ZNF76: variants seen among roughly 807,000 people sequenced by gnomAD.
ZNF76 encodes the protein zinc finger protein 523.
In ZNF76, 66 loss-of-function variants were observed where a neutral mutation model predicts 66.9. The ratio of observed to expected loss-of-function variants is 0.99; its 90% CI spans 0.81 to 1.21. The LOEUF (loss-of-function observed/expected upper bound fraction) is 1.21. Among genes scored for constraint, ZNF76 ranks in the 50% most tolerant of loss-of-function variants. The pLI, the probability that ZNF76 is intolerant of heterozygous loss-of-function variation, is 0.00. For synonymous variants in ZNF76, 275 were observed against 296.1 expected, an observed-to-expected ratio of 0.93 and a Z score of 0.73; for missense variants, 729 against 760.3, an observed-to-expected ratio of 0.96 and a Z score of 0.48.
intron 5 of ZNF76, among the ~76,000 whole-genome samples, chr6:35,289,000 C>A (rs912967499): frequency 1.3e-5 from 2 of 149,688 alleles, no homozygotes; most frequent in African/African-American, 4.9e-5. Flanking sequence ...AGGCTACATT[C>A]ACTCCCACCC....
Position 35,292,636 on chromosome 6 carries a change from G to A in ZNF76, c.1014G>A (p.Val338=), listed in dbSNP as rs1790575336. ...EYSSLYKHHV[V]HTHCKPYTCS... ...CGAGCTTGTATAAGCACCACGTGGT[G>A]CACACACACTGCAAGCCCTACACCT... The change falls in exon 10 of 14, where the codon GTG becomes GTA. Residue 338 remains valine (V), a synonymous_variant. Transcript: ENST00000373953. The surrounding 1 kb of genome is among the most constrained non-coding windows in gnomAD (Gnocchi z 4.7). 2 of 1,614,048 alleles carry A rather than the reference G, an allele frequency of 1.2e-6. No homozygotes were observed. The highest frequency in any genetic ancestry group is 1.7e-6 in the Non-Finnish European group (2 of 1,180,032).
chr6:35,291,806 T>G (rs1391464510), intron 9 of ZNF76, 69 bp downstream of exon 9: 2 of 1,555,290 alleles, frequency 1.3e-6, no homozygotes, highest in Admixed American at 3.5e-5. Flanking sequence ...GCTTCCCATC[T>G]AAGACACATT....
chr6:35,283,898 A>G (rs1190459676), intron 2 of ZNF76, among the ~76,000 whole-genome samples: 1 of 151,952 alleles, frequency 6.6e-6, no homozygotes, highest in East Asian at 1.9e-4. Flanking sequence ...GCCTTTGGTT[A>G]GTTGTAGGAC....
At chr6:35,275,349 A>G (rs1476218593) in intron 1 of ZNF76, among the ~76,000 whole-genome samples, 2 of 150,484 alleles carry the variant, frequency 1.3e-5, no homozygotes. Context: ...CAGAGCAGCC[A>G]CCCTCACTGC....
intron 1 of ZNF76, among the ~76,000 whole-genome samples, chr6:35,278,524 C>T (rs1257367519): frequency 6.6e-6 from 1 of 152,258 alleles, no homozygotes; most frequent in African/African-American, 2.4e-5. Context: ...GCAGCAGCAT[C>T]TGCAATGCAA....
chr6:35,290,954 C>G, intron 7 of ZNF76: 2 of 599,546 alleles, frequency 3.3e-6, no homozygotes, highest in Non-Finnish European at 5.9e-6. Flanking sequence ...CTTGTGTCAG[C>G]TCTGATGCCA....
rs16874216 is a variant in ZNF76 at position 35,295,464 on chromosome 6, G to A, written c.*216G>A. 34,014 of 578,548 alleles carry A rather than the reference G, an allele frequency of 0.059. 2,847 individuals carry two copies. Among genetic ancestry groups the A allele is most frequent in the African/African-American group, 0.29 (15,969 of 54,196 alleles). The allele number at this position is 578,548 out of a possible 1,614,324, so 35.8% of individuals were successfully genotyped here. A position where few individuals can be genotyped will look rare whatever the true frequency, so the allele number is the denominator to read the frequency against. On this transcript the variant is annotated 3_prime_UTR_variant, in exon 14 of 14. Transcript: ENST00000373953. Reference sequence around the variant, plus strand: ...GGAATCAGGGGAGTGCATCATCCTCGGGAGCTGACAACAGCCAGGCTACAC... The same window carrying A: ...GGAATCAGGGGAGTGCATCATCCTCAGGAGCTGACAACAGCCAGGCTACAC...
intron 13 of ZNF76, 66 bp from the exon 14 acceptor site, chr6:35,295,078 A>C: frequency 7.6e-7 from 1 of 1,314,482 alleles, no homozygotes; most frequent in East Asian, 2.5e-5. Flanking sequence ...GCCACATATT[A>C]CTAACACTGG....
rs187896902 is a variant in ZNF76 at position 35,268,552 on chromosome 6, C to T, written c.-97+8711C>T. On this transcript the variant is annotated intron_variant, in intron 1 of 13. Transcript: ENST00000373953. ...GGTGTAGTGGCTCACACCTGTAATC[C>T]GCACTTTGGGAGGCTGAGATGGGCA... 7.0e-4 allele frequency among the ~76,000 whole-genome samples: 106 copies of T among 152,088 alleles called. 1 individual carries two copies. In the Middle Eastern group the frequency reaches 0.01, roughly 15 times the overall value.
In ZNF76 at chr6:35,295,471, GACA is replaced by G; in HGVS notation, c.*227_*229del. 1 of 565,364 alleles carries G rather than the reference GACA, an allele frequency of 1.8e-6. No individual in the cohort carries two copies. Among genetic ancestry groups the G allele is most frequent in the Non-Finnish European group, 3.3e-6 (1 of 306,846 alleles). 35.0% of individuals were successfully genotyped at this position (565,364 alleles called of 1,614,324 possible). A position where few individuals can be genotyped will look rare whatever the true frequency, so the allele number is the denominator to read the frequency against. ...GGGGAGTGCATCATCCTCGGGAGCT[GACA>G]ACAGCCAGGCTACACCAGGGCACCC... On this transcript the variant is annotated 3_prime_UTR_variant, in exon 14 of 14. Coordinates refer to ENST00000373953, the MANE Select transcript of ZNF76 (RefSeq NM_003427.5).
chr6:35,295,102 G>C, intron 13 of ZNF76, 42 bp from the exon 14 acceptor site: 1 of 1,500,934 alleles, frequency 6.7e-7, no homozygotes, highest in Non-Finnish European at 9.2e-7. Flanking sequence ...CTAGCAGGGA[G>C]GGTCTCACTG....
chr6:35,283,553 T>C (rs926529267), intron 2 of ZNF76, among the ~76,000 whole-genome samples: 4 of 152,234 alleles, frequency 2.6e-5, no homozygotes, highest in African/African-American at 9.6e-5. Flanking sequence ...TGGTCACCTC[T>C]CTGTAATGGG....
intron 1 of ZNF76, among the ~76,000 whole-genome samples, chr6:35,266,507 T>C (rs1786098172): frequency 1.3e-5 from 2 of 152,202 alleles, no homozygotes; most frequent in African/African-American, 4.8e-5. Context: ...AGGAATTCAC[T>C]CTTGAACATG....
Position 35,291,627 on chromosome 6 carries a change from T to A in ZNF76, c.821T>A (p.Val274Glu). Residue 274 changes from valine (V) to glutamate (E), a missense_variant, in exon 9 of 14, where the codon GTA becomes GAA. Transcript: ENST00000373953. Reference sequence around the variant, plus strand: ...TTCACCACATCTAACATCCGCAAGGTACATGTGCGCACCCACACAGGCGAG... The same window carrying A: ...TTCACCACATCTAACATCCGCAAGGAACATGTGCGCACCCACACAGGCGAG... ...RSFTTSNIRK[V>E]HVRTHTGERP... 1 of 1,613,930 alleles carries A rather than the reference T, an allele frequency of 6.2e-7. No individual in the cohort carries two copies. The highest frequency in any genetic ancestry group is 8.5e-7 in the Non-Finnish European group (1 of 1,179,936).
intron 1 of ZNF76, among the ~76,000 whole-genome samples, chr6:35,266,159 A>T (rs1480737393): frequency 6.7e-6 from 1 of 148,222 alleles, no homozygotes; most frequent in Admixed American, 6.7e-5. Flanking sequence ...GGTGGCTACA[A>T]TTTTTTTTTT....
chr6:35,294,385 G>A lies in ZNF76; in HGVS notation c.1495-71G>A. 2.1e-5 allele frequency: 22 copies of A among 1,043,780 alleles called. No individual in the cohort carries two copies. In the South Asian group the frequency reaches 2.8e-4, roughly 14 times the overall value. The allele number at this position is 1,043,780 out of a possible 1,614,324, so 64.7% of individuals were successfully genotyped here. ...TTGTTCCCAGCACCTTAATTGGAGG[G>A]ATGTTTATTTGGATTGTGGGGAGGG... is the stretch of plus-strand genomic sequence containing the variant. On this transcript the variant is annotated intron_variant, in intron 12 of 13. Transcript: ENST00000373953.
At chr6:35,280,116 C>A (rs1174615604) in intron 1 of ZNF76, among the ~76,000 whole-genome samples, 1 of 152,126 alleles carries the variant, frequency 6.6e-6, no homozygotes, top group Non-Finnish European at 1.5e-5. Flanking sequence ...CAGGCATGAG[C>A]CACTACACCC....
chr6:35,261,152 A>G (rs999456592), intron 1 of ZNF76, among the ~76,000 whole-genome samples: 1 of 152,230 alleles, frequency 6.6e-6, no homozygotes, highest in Non-Finnish European at 1.5e-5. Context: ...AGTGCCTGAC[A>G]TAACATATGT....
intron 6 of ZNF76, 24 bp downstream of exon 6, chr6:35,290,406 T>C (rs775937473): frequency 2.5e-6 from 4 of 1,612,730 alleles, no homozygotes; most frequent in Non-Finnish European, 3.4e-6. Flanking sequence ...CAGACAGCCG[T>C]CAGCTCTGCA....
Sources: gnomAD v4.1 joint callset for allele counts (sites outside exome capture counted in the v4.1 genomes callset) on GRCh38, gnomAD v4.1.1 for gene constraint, Gnocchi (gnomAD v3.1) non-coding constraint, MANE v1.5 for transcripts, NCBI Gene and HGNC (gene_info 2026-07-23, HGNC 2026-07-21) for gene names.